Variants in PTPRM observed in about 807,000 individuals in gnomAD.
The protein encoded by PTPRM is protein tyrosine phosphatase receptor type M, also known as receptor-type tyrosine-protein phosphatase mu.
Under a neutral mutation model 186.7 loss-of-function variants are expected in PTPRM, and 47 were observed. That is an observed-to-expected ratio of 0.25 (90% confidence interval 0.20 to 0.32). The LOEUF (loss-of-function observed/expected upper bound fraction) is 0.32, where lower values mean the gene tolerates loss of function less well. Among genes scored for constraint, PTPRM ranks in the 10% least tolerant of loss-of-function variants. The pLI is 1.00. For synonymous variants in PTPRM, 668 were observed against 674.9 expected (o/e 0.99, Z 0.16); for missense variants, 1,494 against 1,865.0 (o/e 0.80, Z 3.66).
intron 23 of PTPRM, among the ~76,000 whole-genome samples, chr18:8,367,871 G>A (rs1011489905): frequency 1.3e-5 from 2 of 152,186 alleles, no homozygotes; most frequent in Non-Finnish European, 1.5e-5. Context: ...AAGACTAGGT[G>A]ACCATCCAAA....
At chr18:7,921,942 A>T (rs1027084833) in intron 4 of PTPRM, among the ~76,000 whole-genome samples, 2 of 152,108 alleles carry the variant, frequency 1.3e-5, no homozygotes, top group African/African-American at 4.8e-5. Context: ...TTGTGGATGT[A>T]TGTCTATGTC....
chr18:8,296,317 C>T (rs1194967243), intron 19 of PTPRM, 51 bp from the exon 20 acceptor site: 2 of 1,151,696 alleles, frequency 1.7e-6, no homozygotes, highest in African/African-American at 3.0e-5. Context: ...TCGTTAAGAT[C>T]CCTCTGTTTA....
At chr18:8,392,934 G>C (rs1470154602) in intron 31 of PTPRM, among the ~76,000 whole-genome samples, 1 of 152,108 alleles carries the variant, frequency 6.6e-6, no homozygotes, top group East Asian at 1.9e-4. Flanking sequence ...GGGAAGAAGA[G>C]ACAGCTCTTT....
intron 14 of PTPRM, among the ~76,000 whole-genome samples, chr18:8,195,610 C>T (rs1189100800): frequency 2.0e-5 from 3 of 152,098 alleles, no homozygotes; most frequent in Non-Finnish European, 2.9e-5. Flanking sequence ...GAACTAGAGG[C>T]CATTATTTTA....
At chr18:7,935,522 C>T (rs2051751759) in intron 5 of PTPRM, among the ~76,000 whole-genome samples, 1 of 152,142 alleles carries the variant, frequency 6.6e-6, no homozygotes, top group Non-Finnish European at 1.5e-5. Flanking sequence ...GTGATATTAT[C>T]TAACTCAGCC....
intron 7 of PTPRM, among the ~76,000 whole-genome samples, chr18:8,035,454 A>G (rs1296723200): frequency 6.6e-6 from 1 of 152,174 alleles, no homozygotes; most frequent in Non-Finnish European, 1.5e-5. Context: ...GTGGTGTGCC[A>G]TGTGCACACC....
At chr18:8,082,504 T>C (rs1424118621) in intron 9 of PTPRM, among the ~76,000 whole-genome samples, 1 of 124,050 alleles carries the variant, frequency 8.1e-6, no homozygotes, top group Non-Finnish European at 1.7e-5. Flanking sequence ...CCTCCTTCTC[T>C]CCCTCCCTCC....
chr18:7,626,502 T>C (rs375636138), intron 1 of PTPRM, among the ~76,000 whole-genome samples: 1 of 152,128 alleles, frequency 6.6e-6, no homozygotes, highest in South Asian at 2.1e-4. Context: ...GAAGAACCTG[T>C]ATGGAGAGTG....
rs192094795 is a variant in PTPRM, at chr18:7,983,425, A to G, written c.1132+28011A>G. 1.6e-3 allele frequency among the ~76,000 whole-genome samples: 245 copies of G among 152,232 alleles called. 1 individual carries two copies. The highest frequency in any genetic ancestry group is 6.8e-3 in the Middle Eastern group (2 of 294). On this transcript the variant is annotated intron_variant, in intron 7 of 32. Coordinates refer to ENST00000580170, the MANE Select transcript of PTPRM (RefSeq NM_001105244.2). Reference sequence around the variant, plus strand: ...GCCAAAAAGTTTGGGGCCTGTTGGTATAAAGGAACAGGAATGCCTGTTTTA... The same window carrying G: ...GCCAAAAAGTTTGGGGCCTGTTGGTGTAAAGGAACAGGAATGCCTGTTTTA...
chr18:7,621,048 C>G (rs1019698001), intron 1 of PTPRM, among the ~76,000 whole-genome samples: 2 of 151,998 alleles, frequency 1.3e-5, no homozygotes, highest in Non-Finnish European at 2.9e-5. Context: ...ATAAACAAAA[C>G]TTTATAAAAT....
At chr18:7,725,191 G>T (rs891503137) in intron 1 of PTPRM, among the ~76,000 whole-genome samples, 5 of 152,068 alleles carry the variant, frequency 3.3e-5, no homozygotes, top group African/African-American at 1.2e-4. Context: ...TGATATTTGG[G>T]TCTCCCTACT....
intron 31 of PTPRM, among the ~76,000 whole-genome samples, chr18:8,387,737 T>TGTGTGTGTGTGC: frequency 1.2e-5 from 1 of 85,030 alleles, no homozygotes; most frequent in South Asian, 3.7e-4. Flanking sequence ...GGACCTGGAG[T>TGTGTGTGTGTGC]GTGTGTGTGT....
chr18:8,085,553 G>C, intron 9 of PTPRM, 118 bp from the exon 10 acceptor site: 8 of 859,796 alleles, frequency 9.3e-6, no homozygotes, highest in East Asian at 2.6e-5. Context: ...TCAAGAGTCT[G>C]AGTAGGAGCT....
At chr18:8,142,668 A>G (rs1486271079) in intron 13 of PTPRM, among the ~76,000 whole-genome samples, 1 of 152,224 alleles carries the variant, frequency 6.6e-6, no homozygotes, top group African/African-American at 2.4e-5. Context: ...ACACAAAAAG[A>G]AAATTCTAAG....
chr18:7,706,189 C>T (rs2040084589), intron 1 of PTPRM, among the ~76,000 whole-genome samples: 1 of 151,510 alleles, frequency 6.6e-6, no homozygotes, highest in Admixed American at 6.6e-5. Context: ...ATATAGAAGT[C>T]ATTTGTTACA....
intron 7 of PTPRM, among the ~76,000 whole-genome samples, chr18:7,959,284 T>C (rs1339389658): frequency 3.9e-5 from 6 of 152,228 alleles, no homozygotes; most frequent in African/African-American, 1.2e-4. Context: ...ATATTGCTTA[T>C]CTGGGAAATC....
chr18:8,362,104 A>C (rs939152377), intron 23 of PTPRM, among the ~76,000 whole-genome samples: 15 of 152,070 alleles, frequency 9.9e-5, no homozygotes, highest in African/African-American at 3.6e-4. Flanking sequence ...CCCTCTTCTC[A>C]AGCAGTGTGA....
intron 3 of PTPRM, 72 bp downstream of exon 3, chr18:7,888,449 C>T (rs1360807074): frequency 7.0e-7 from 1 of 1,433,220 alleles, no homozygotes; most frequent in African/African-American, 1.5e-5. Context: ...ATTGTTATAT[C>T]ATTATAATCA....
At chr18:8,350,328 T>C (rs1006286727) in intron 23 of PTPRM, among the ~76,000 whole-genome samples, 2 of 152,232 alleles carry the variant, frequency 1.3e-5, no homozygotes, top group Non-Finnish European at 1.5e-5. Flanking sequence ...ATGGTACATG[T>C]ATGTTTACCT....
Sources: gnomAD v4.1 joint callset for allele counts (sites outside exome capture counted in the v4.1 genomes callset) on GRCh38, gnomAD v4.1.1 for gene constraint, MANE v1.5 for transcripts, NCBI Gene and HGNC (gene_info 2026-07-23, HGNC 2026-07-21) for gene names.